The following GJC2 variants were observed in gnomAD, a reference collection of about 807,000 sequenced individuals.
GJC2 encodes gap junction protein gamma 2, also known as gap junction gamma-2 protein.
For synonymous variants in GJC2, 336 were observed against 307.5 expected, an observed-to-expected ratio of 1.09 and a Z score of -0.97; for missense variants, 647 against 648.9, an observed-to-expected ratio of 1.00 and a Z score of 0.03.
intron 1 of GJC2, among the ~76,000 whole-genome samples, chr1:228,154,547 T>C (rs1178425389): frequency 6.6e-6 from 1 of 152,166 alleles, no homozygotes; most frequent in Non-Finnish European, 1.5e-5. Flanking sequence ...TGAAGCCAGG[T>C]TACCAGGTGC....
chr1:228,156,016 A>C (rs866077838), intron 1 of GJC2, among the ~76,000 whole-genome samples: 1 of 152,174 alleles, frequency 6.6e-6, no homozygotes, highest in Non-Finnish European at 1.5e-5. Context: ...GGCTGGAATC[A>C]GTGGGCCTTA....
chr1:228,151,807 A>G lies in GJC2; in HGVS notation c.-20+1800A>G, dbSNP rs927401427. The stretch of plus-strand genomic sequence containing the variant: ...TGAGCTCTGCACCTCCCTCTGGACC[A>G]GGGCATCCAGAGGAGCATGGCTGAG... On this transcript the variant is annotated intron_variant, in intron 1 of 1. Transcript: ENST00000366714. The surrounding 1 kb of genome is among the most constrained non-coding windows in gnomAD (Gnocchi z 5.4). Among the ~76,000 whole-genome samples the G allele has an allele frequency of 4.6e-5, 7 of 152,120 alleles. No homozygotes were observed. Among genetic ancestry groups the G allele is most frequent in the African/African-American group, 1.7e-4 (7 of 41,428 alleles).
chr1:228,153,386 CAAA>C (rs11316494), intron 1 of GJC2, among the ~76,000 whole-genome samples: 63 of 130,804 alleles, frequency 4.8e-4, no homozygotes, highest in Non-Finnish European at 5.2e-4. Flanking sequence ...GAGACCCCAT[CAAA>C]AAAAAAAAAA....
rs1041330871 is a variant in GJC2, at chr1:228,157,674, C to A, written c.-19-66C>A. The A allele has an allele frequency of 6.5e-5, 58 of 896,936 alleles. No individual in the cohort carries two copies. In the South Asian group the frequency reaches 7.0e-4, roughly 11 times the overall value. The allele number at this position is 896,936 out of a possible 1,614,324, so 55.6% of individuals were successfully genotyped here. A position where few individuals can be genotyped will look rare whatever the true frequency, so the allele number is the denominator to read the frequency against. ...GGCCAGCTGCGAGGCAAGCCTGGAG[C>A]CCCGGCTCTGAGCGCCGCGGGCTCC... On this transcript the variant is annotated intron_variant, in intron 1 of 1. Coordinates refer to ENST00000366714, the MANE Select transcript of GJC2 (RefSeq NM_020435.4).
Position 228,157,740 on chromosome 1 carries a change from G to GGGGGGGGC in GJC2, c.-19_-18insGGGGGGGC. ...GGCTGACCCCTACCCCGCCCCACAG[G>GGGGGGGGC]ACCCGCCCGCCCGCCCCTATGACCA... On this transcript the variant is annotated splice_region_variant and 5_prime_UTR_variant, in exon 2 of 2. Transcript: ENST00000366714. 1.5e-6 allele frequency: 1 copy of GGGGGGGGC among 662,262 alleles called. No individual in the cohort carries two copies. The highest frequency in any genetic ancestry group is 2.6e-6 in the Non-Finnish European group (1 of 378,506). The allele number at this position is 662,262 out of a possible 1,614,324, so 41.0% of individuals were successfully genotyped here.
intron 1 of GJC2, among the ~76,000 whole-genome samples, chr1:228,155,607 T>C (rs755387158): frequency 1.3e-4 from 20 of 151,810 alleles, no homozygotes; most frequent in East Asian, 1.9e-4. Flanking sequence ...AGGCTGGAGG[T>C]GTGGATCTGG....
rs2034595517 is a variant in GJC2, at chr1:228,150,201, G to A, written c.-20+194G>A. Among the ~76,000 whole-genome samples the A allele has an allele frequency of 6.6e-6, 1 of 152,150 alleles. No homozygotes were observed. Among genetic ancestry groups the A allele is most frequent in the Non-Finnish European group, 1.5e-5 (1 of 68,002 alleles). ...CGCTGCTCCACGCAGATGGTGGGGT[G>A]GCCCCCCCACTCCATGTCTGTGTCC... is the stretch of plus-strand genomic sequence containing the variant. On this transcript the variant is annotated intron_variant, in intron 1 of 1. Transcript: ENST00000366714. This position sits in a 1 kb window ranked among gnomAD's most constrained non-coding sequence, Gnocchi z 4.6.
chr1:228,158,753 A>C lies in GJC2; in HGVS notation c.995A>C (p.Asp332Ala). 7.2e-7 allele frequency: 1 copy of C among 1,386,538 alleles called. No individual in the cohort carries two copies. The highest frequency in any genetic ancestry group is 9.4e-7 in the Non-Finnish European group (1 of 1,069,132). 85.9% of individuals were successfully genotyped at this position (1,386,538 alleles called of 1,614,324 possible). A position where few individuals can be genotyped will look rare whatever the true frequency, so the allele number is the denominator to read the frequency against. The change falls in exon 2 of 2, where the codon GAC becomes GCC. Residue 332 changes from aspartate (D) to alanine (A), a missense_variant. By Grantham distance (126) the Asp-to-Ala change is moderately radical (BLOSUM62 -2). Coordinates refer to ENST00000366714, the MANE Select transcript of GJC2 (RefSeq NM_020435.4). This position sits in a 1 kb window ranked among gnomAD's most constrained non-coding sequence, Gnocchi z 8.3. Reference protein sequence around the residue: ...AAAAGLACPPDYSLVVRAAER... With the variant: ...AAAAGLACPPAYSLVVRAAER... ...GCCGCTGGCTTGGCCTGCCCGCCCG[A>C]CTACAGCCTGGTGGTGCGGGCGGCC...
rs768549431 is a variant in GJC2 at position 228,157,875 on chromosome 1, G to A, written c.117G>A (p.Thr39=). 3.1e-6 allele frequency: 5 copies of A among 1,612,004 alleles called. No homozygotes were observed. The highest frequency in any genetic ancestry group is 2.2e-5 in the East Asian group (1 of 44,866). ...TVLVVFRIVL[T]AVGGEAIYSD... is the part of the protein sequence containing the mutation. Reference sequence around the variant, plus strand: ...TGGTGGTCTTCCGCATCGTGCTGACGGCTGTGGGCGGCGAGGCCATCTACT... The same window carrying A: ...TGGTGGTCTTCCGCATCGTGCTGACAGCTGTGGGCGGCGAGGCCATCTACT... The change falls in exon 2 of 2, where the codon ACG becomes ACA. Residue 39 remains threonine (T), a synonymous_variant. Coordinates refer to ENST00000366714, the MANE Select transcript of GJC2 (RefSeq NM_020435.4).
chr1:228,158,304 C>T lies in GJC2; in HGVS notation c.546C>T (p.Val182=). 2 of 1,543,070 alleles carry T rather than the reference C, an allele frequency of 1.3e-6. No homozygotes were observed. The highest frequency in any genetic ancestry group is 1.2e-5 in the South Asian group (1 of 85,502). ...CGGAGGAGGCGTGCACTAAGGCGGT[C>T]GGCGCTGACGGCAAGGCGGCAGGGA... The part of the protein sequence containing the change: ...AGAEEACTKA[V]GADGKAAGTP... The change falls in exon 2 of 2, where the codon GTC becomes GTT. Residue 182 remains valine (V), a synonymous_variant. Coordinates refer to ENST00000366714, the MANE Select transcript of GJC2 (RefSeq NM_020435.4). This position sits in a 1 kb window ranked among gnomAD's most constrained non-coding sequence, Gnocchi z 8.3.
intron 1 of GJC2, among the ~76,000 whole-genome samples, chr1:228,156,387 G>A (rs897728616): frequency 3.9e-5 from 6 of 152,230 alleles, no homozygotes; most frequent in African/African-American, 1.4e-4. Flanking sequence ...GCATGTGTGT[G>A]CATGGGTATC....
intron 1 of GJC2, among the ~76,000 whole-genome samples, chr1:228,157,118 G>A (rs1342245821): frequency 7.1e-6 from 1 of 141,616 alleles, no homozygotes; most frequent in Non-Finnish European, 1.5e-5. Flanking sequence ...TTTTGTGGAG[G>A]TGGAGGGACC....
At position 228,158,464 on chromosome 1, in the gene GJC2, G is replaced by C; in HGVS notation, c.706G>C (p.Gly236Arg). The C allele has an allele frequency of 1.2e-6, 2 of 1,611,528 alleles. No individual in the cohort carries two copies. Among genetic ancestry groups the C allele is most frequent in the Non-Finnish European group, 1.7e-6 (2 of 1,179,588 alleles). Reference sequence around the variant, plus strand: ...CCTGGTGGGCCAGTACCTGCTGTACGGCTTCGAGGTGCGACCGTTCTTTCC... The same window carrying C: ...CCTGGTGGGCCAGTACCTGCTGTACCGCTTCGAGGTGCGACCGTTCTTTCC... Reference protein sequence around the residue: ...AFLVGQYLLYGFEVRPFFPCS... With the variant: ...AFLVGQYLLYRFEVRPFFPCS... Residue 236 changes from glycine (G) to arginine (R), a missense_variant, in exon 2 of 2, where the codon GGC becomes CGC. Coordinates refer to ENST00000366714, the MANE Select transcript of GJC2 (RefSeq NM_020435.4). The surrounding 1 kb of genome is among the most constrained non-coding windows in gnomAD (Gnocchi z 8.3).
rs569759746 is a variant in GJC2, at chr1:228,150,989, C to T, written c.-20+982C>T. 5.5e-4 allele frequency among the ~76,000 whole-genome samples: 83 copies of T among 152,034 alleles called. No homozygotes were observed. The highest frequency in any genetic ancestry group is 1.2e-3 in the South Asian group (6 of 4,818). On this transcript the variant is annotated intron_variant, in intron 1 of 1. Transcript: ENST00000366714. The surrounding 1 kb of genome is among the most constrained non-coding windows in gnomAD (Gnocchi z 4.6). ...CTGGCCTGGGGAGCTGCCCAGGCTT[C>T]AGCGATGACACACTCCCAGCCTGAC...
chr1:228,157,158 C>A (rs890022884), intron 1 of GJC2, among the ~76,000 whole-genome samples: 6 of 143,258 alleles, frequency 4.2e-5, no homozygotes, highest in Non-Finnish European at 9.0e-5. Flanking sequence ...TGTGGAGGGA[C>A]CCCGACGCCC....
At chr1:228,156,720 C>T (rs1305534390) in intron 1 of GJC2, among the ~76,000 whole-genome samples, 3 of 152,250 alleles carry the variant, frequency 2.0e-5, no homozygotes, top group African/African-American at 7.2e-5. Flanking sequence ...TCTCCTGCCT[C>T]AGCGACCCAG....
At chr1:228,153,447 T>C (rs1421245823) in intron 1 of GJC2, among the ~76,000 whole-genome samples, 2 of 150,952 alleles carry the variant, frequency 1.3e-5, no homozygotes, top group African/African-American at 4.9e-5. Flanking sequence ...AGTGCAGTGG[T>C]GTGATCTCGG....
In GJC2 at chr1:228,158,981, G is replaced by C. The variant is rs373075457; in HGVS notation, c.1223G>C (p.Arg408Pro). 2.3e-5 allele frequency: 37 copies of C among 1,600,290 alleles called. No individual in the cohort carries two copies. Among genetic ancestry groups the C allele is most frequent in the Non-Finnish European group, 3.1e-5 (36 of 1,175,240 alleles). Residue 408 changes from arginine to proline, a missense_variant, in exon 2 of 2, where the codon CGG becomes CCG. Arg to Pro is a moderately radical substitution (Grantham distance 103). Coordinates refer to ENST00000366714, the MANE Select transcript of GJC2 (RefSeq NM_020435.4). The surrounding 1 kb of genome is among the most constrained non-coding windows in gnomAD (Gnocchi z 8.3). ...GCGGGCACTGTCGGGGAGCAGGGCCGGCCCGGCACCCACGAGCGGCCAGGA... is the reference window on the plus strand; with the variant it reads ...GCGGGCACTGTCGGGGAGCAGGGCCCGCCCGGCACCCACGAGCGGCCAGGA... ...TSAGTVGEQG[R>P]PGTHERPGAK...
At chr1:228,153,342 T>C (rs2034642283) in intron 1 of GJC2, among the ~76,000 whole-genome samples, 1 of 150,692 alleles carries the variant, frequency 6.6e-6, no homozygotes, top group African/African-American at 2.4e-5. Context: ...TGAGTTATGA[T>C]TGTGCGGCTG....
Sources: gnomAD v4.1 joint callset for allele counts (sites outside exome capture counted in the v4.1 genomes callset) on GRCh38, gnomAD v4.1.1 for gene constraint, Gnocchi (gnomAD v3.1) non-coding constraint, MANE v1.5 for transcripts, NCBI Gene and HGNC (gene_info 2026-07-23, HGNC 2026-07-21) for gene names.